The following TUNAR variants were observed in gnomAD, a reference collection of about 807,000 sequenced individuals.
TUNAR encodes protein TUNAR.
chr14:95,877,482 C>A (rs1033808619), intron 2 of TUNAR, among the ~76,000 whole-genome samples: 2 of 152,188 alleles, frequency 1.3e-5, no homozygotes, highest in African/African-American at 2.4e-5. Context: ...GGGGCAACAA[C>A]TCTTATTTAG....
At chr14:95,879,534 A>AC (rs774235781) in intron 2 of TUNAR, among the ~76,000 whole-genome samples, 23 of 152,226 alleles carry the variant, frequency 1.5e-4, no homozygotes, top group Non-Finnish European at 2.8e-4. Context: ...TGTGTCATAG[A>AC]TCATACTACT....
At chr14:95,907,344 G>A (rs555335622) in intron 2 of TUNAR, among the ~76,000 whole-genome samples, 61 of 152,322 alleles carry the variant, frequency 4.0e-4, no homozygotes, top group African/African-American at 1.3e-3. Flanking sequence ...CAAGGGAAAT[G>A]TATATGTGGT....
rs1889252883 is a variant in TUNAR, at chr14:95,895,742, C to CT, written c.12+18567dup. On this transcript the variant is annotated intron_variant, in intron 2 of 2. Coordinates refer to ENST00000678517, the Ensembl canonical transcript of TUNAR. The surrounding 1 kb of genome is among the most constrained non-coding windows in gnomAD (Gnocchi z 4.5). ...GAAGGTGTTTCCGGCCCATTTTTTT[C>CT]TTGCTTTGAACCACAGCACGTGCTG... The CT allele has an allele frequency of 6.6e-6, 1 of 152,300 alleles. No individual in the cohort carries two copies. The highest frequency in any genetic ancestry group is 2.4e-5 in the African/African-American group (1 of 41,414). 9.4% of individuals were successfully genotyped at this position (152,300 alleles called of 1,614,324 possible). A position where few individuals can be genotyped will look rare whatever the true frequency, so the allele number is the denominator to read the frequency against.
At chr14:95,890,063 A>G (rs1478251242) in intron 2 of TUNAR, among the ~76,000 whole-genome samples, 2 of 151,752 alleles carry the variant, frequency 1.3e-5, no homozygotes, top group African/African-American at 4.8e-5. Context: ...GGCAGTGGCT[A>G]TTCACAGGCG....
chr14:95,908,834 T>C (rs753183460), intron 2 of TUNAR, among the ~76,000 whole-genome samples: 11 of 152,176 alleles, frequency 7.2e-5, no homozygotes, highest in Non-Finnish European at 1.2e-4. Context: ...GTGAGGGCCA[T>C]ACCTGGAACC....
At chr14:95,907,899 G>T (rs1889450625) in intron 2 of TUNAR, among the ~76,000 whole-genome samples, 1 of 152,162 alleles carries the variant, frequency 6.6e-6, no homozygotes, top group Middle Eastern at 3.2e-3. Context: ...TGGTCTCTCT[G>T]TCCTCTCTGA....
At chr14:95,887,489 A>G (rs1889097408) in intron 2 of TUNAR, among the ~76,000 whole-genome samples, 1 of 152,244 alleles carries the variant, frequency 6.6e-6, no homozygotes, top group African/African-American at 2.4e-5. Flanking sequence ...AAAACAGTCA[A>G]ACCTTCAGTG....
intron 2 of TUNAR, among the ~76,000 whole-genome samples, chr14:95,878,583 T>G (rs1239821458): frequency 6.6e-6 from 1 of 152,192 alleles, no homozygotes; most frequent in Non-Finnish European, 1.5e-5. Context: ...GTTACAGGCT[T>G]GAGCTAGGAT....
At chr14:95,909,160 T>G (rs1017825438) in intron 2 of TUNAR, among the ~76,000 whole-genome samples, 14 of 152,218 alleles carry the variant, frequency 9.2e-5, no homozygotes, top group African/African-American at 2.4e-4. Flanking sequence ...TACAGGGAGC[T>G]GTTTTTTCTC....
chr14:95,889,212 TGG>T (rs1446029354), intron 2 of TUNAR, among the ~76,000 whole-genome samples: 5 of 152,242 alleles, frequency 3.3e-5, no homozygotes, highest in Non-Finnish European at 7.4e-5. Context: ...TCTTGGGTCC[TGG>T]GCAATTCTGT....
intron 2 of TUNAR, among the ~76,000 whole-genome samples, chr14:95,878,748 C>T (rs1169916879): frequency 2.6e-5 from 4 of 152,188 alleles, no homozygotes; most frequent in Non-Finnish European, 5.9e-5. Context: ...TGGGCTAACA[C>T]ATAGTGGCTA....
chr14:95,895,105 A>T lies in TUNAR; in HGVS notation c.12+17928A>T, dbSNP rs1273888668. Among the ~76,000 whole-genome samples the T allele has an allele frequency of 2.0e-5, 3 of 152,262 alleles. No individual in the cohort carries two copies. The highest frequency in any genetic ancestry group is 4.4e-5 in the Non-Finnish European group (3 of 68,046). ...CAGATGTTGTCTGCCAGGTAAGTGC[A>T]GGAAGTGCAGAACCTGCCTTGAAGC... On this transcript the variant is annotated intron_variant, in intron 2 of 2. Coordinates refer to ENST00000678517, the Ensembl canonical transcript of TUNAR. The surrounding 1 kb of genome is among the most constrained non-coding windows in gnomAD (Gnocchi z 4.5).
At chr14:95,905,181 G>A (rs910723856) in intron 2 of TUNAR, among the ~76,000 whole-genome samples, 2 of 152,244 alleles carry the variant, frequency 1.3e-5, no homozygotes, top group South Asian at 2.1e-4. Flanking sequence ...GGCCCCTCCC[G>A]TGAACATCTT....
intron 2 of TUNAR, among the ~76,000 whole-genome samples, chr14:95,918,624 A>G (rs546309266): frequency 2.6e-5 from 4 of 152,288 alleles, no homozygotes; most frequent in African/African-American, 9.6e-5. Context: ...GGTCTCTTCT[A>G]GGTCTTTGTT....
chr14:95,879,015 A>C (rs1465415323), intron 2 of TUNAR, among the ~76,000 whole-genome samples: 2 of 152,076 alleles, frequency 1.3e-5, no homozygotes, highest in South Asian at 2.1e-4. Flanking sequence ...TTCCAACTGC[A>C]TTGTTTGCTG....
chr14:95,883,441 G>C (rs1158052002), intron 2 of TUNAR, among the ~76,000 whole-genome samples: 1 of 152,160 alleles, frequency 6.6e-6, no homozygotes, highest in Non-Finnish European at 1.5e-5. Context: ...AGATGTCAGG[G>C]ACAACAGTTT....
intron 2 of TUNAR, among the ~76,000 whole-genome samples, chr14:95,885,539 G>T (rs1320404078): frequency 6.6e-6 from 1 of 152,196 alleles, no homozygotes; most frequent in Non-Finnish European, 1.5e-5. Flanking sequence ...AGGCCTTCTA[G>T]GTAGGAGGGC....
At chr14:95,909,329 G>C (rs1889475719) in intron 2 of TUNAR, among the ~76,000 whole-genome samples, 1 of 143,666 alleles carries the variant, frequency 7.0e-6, no homozygotes, top group Non-Finnish European at 1.5e-5. Context: ...TGTCACCCAG[G>C]CTGGGCTGCA....
intron 2 of TUNAR, among the ~76,000 whole-genome samples, chr14:95,884,927 C>T (rs1352283053): frequency 6.6e-6 from 1 of 151,664 alleles, no homozygotes; most frequent in Non-Finnish European, 1.5e-5. Context: ...TGTGTATCAA[C>T]AGCAGCCCTC....
Sources: gnomAD v4.1 joint callset for allele counts (sites outside exome capture counted in the v4.1 genomes callset) on GRCh38, gnomAD v4.1.1 for gene constraint, Gnocchi (gnomAD v3.1) non-coding constraint, MANE v1.5 for transcripts, NCBI Gene and HGNC (gene_info 2026-07-23, HGNC 2026-07-21) for gene names.